Variants in DAB1 observed in about 807,000 individuals in gnomAD.
DAB1 encodes disabled homolog 1.
DAB1 carries 15 observed loss-of-function variants against 64.6 expected under a neutral mutation model. That is an observed-to-expected ratio of 0.23 (90% CI 0.16 to 0.36). The LOEUF is 0.36. DAB1 is among the 10% of genes least tolerant of loss of function. DAB1 has a pLI of 1.00. For missense variants in DAB1, 596 were observed against 706.7 expected (o/e 0.84, Z 1.78); for synonymous variants, 235 against 251.9 (o/e 0.93, Z 0.64).
At chr1:58,466,551 G>A (rs1000577838) in intron 3 of DAB1, among the ~76,000 whole-genome samples, 22 of 152,146 alleles carry the variant, frequency 1.4e-4, no homozygotes, top group African/African-American at 4.6e-4. Context: ...TGGGATACTC[G>A]GGAAGAATGC....
At chr1:57,821,956 C>G (rs2101896076), downstream of DAB1, among the ~76,000 whole-genome samples, 1 of 152,222 alleles carries the variant, frequency 6.6e-6, no homozygotes, top group East Asian at 1.9e-4. Flanking sequence ...AGAATTTATC[C>G]TCAAAACTAC....
intron 5 of DAB1, among the ~76,000 whole-genome samples, chr1:57,951,794 T>C (rs565072701): frequency 3.3e-5 from 5 of 152,252 alleles, no homozygotes; most frequent in Admixed American, 2.6e-4. Flanking sequence ...TGGGGAGCAT[T>C]TGAACCAACT....
chr1:58,052,203 T>C (rs1406744596), intron 5 of DAB1, among the ~76,000 whole-genome samples: 5 of 152,228 alleles, frequency 3.3e-5, no homozygotes, highest in Admixed American at 6.5e-5. Flanking sequence ...CTTTAATCCA[T>C]CTTGAATTAA....
At chr1:58,286,512 G>T (rs965302164) in intron 4 of DAB1, among the ~76,000 whole-genome samples, 1 of 152,134 alleles carries the variant, frequency 6.6e-6, no homozygotes, top group African/African-American at 2.4e-5. Flanking sequence ...CAAAGGACAT[G>T]AACAGACACT....
At chr1:57,424,361 G>GT (rs1685177149), upstream of DAB1, among the ~76,000 whole-genome samples, 2 of 151,804 alleles carry the variant, frequency 1.3e-5, no homozygotes, top group Non-Finnish European at 2.9e-5. Context: ...GAGCGAGCGG[G>GT]GGCGCCGCGG....
intron 3 of DAB1, among the ~76,000 whole-genome samples, chr1:58,408,628 T>C (rs1166621842): frequency 1.3e-5 from 2 of 152,140 alleles, no homozygotes; most frequent in Non-Finnish European, 1.5e-5. Context: ...ATTTACATTA[T>C]ATTGAGAAGT....
chr1:57,008,503 T>G (rs546819922), intron 14 of DAB1, among the ~76,000 whole-genome samples: 118 of 152,326 alleles, frequency 7.7e-4, no homozygotes, highest in Non-Finnish European at 1.4e-3. Flanking sequence ...CTATACACAG[T>G]GCTAAGAGCT....
At chr1:58,074,118 T>G (rs1174002642) in intron 5 of DAB1, among the ~76,000 whole-genome samples, 1 of 152,118 alleles carries the variant, frequency 6.6e-6, no homozygotes, top group Non-Finnish European at 1.5e-5. Flanking sequence ...TTGAGTTGGG[T>G]TTTCTATTAC....
chr1:57,260,687 G>A (rs1165322743), intron 2 of DAB1, among the ~76,000 whole-genome samples: 1 of 152,146 alleles, frequency 6.6e-6, no homozygotes, highest in African/African-American at 2.4e-5. Flanking sequence ...GCACAGAGAA[G>A]TCAGGGGACT....
chr1:57,156,297 C>T (rs574439960), intron 2 of DAB1, among the ~76,000 whole-genome samples: 6 of 152,288 alleles, frequency 3.9e-5, no homozygotes, highest in African/African-American at 1.2e-4. Flanking sequence ...TCTCTCACCT[C>T]ATTTGTGCCC....
chr1:57,249,217 AG>A (rs1407036975), intron 2 of DAB1, among the ~76,000 whole-genome samples: 2 of 98,074 alleles, frequency 2.0e-5, no homozygotes, highest in Admixed American at 2.4e-4. Flanking sequence ...GTATGTATAG[AG>A]AAAAAAATCC....
chr1:57,707,426 T>G (rs1015878218), intron 6 of DAB1, among the ~76,000 whole-genome samples: 2 of 152,184 alleles, frequency 1.3e-5, no homozygotes, highest in Middle Eastern at 3.4e-3. Flanking sequence ...ATTCAACTAT[T>G]GAGGGGCATT....
In DAB1 at chr1:57,023,516, T is replaced by C. The variant is rs762037314; in HGVS notation, c.895+15A>G. 82 of 1,485,378 alleles carry C rather than the reference T, an allele frequency of 5.5e-5. No homozygotes were observed. Among genetic ancestry groups the C allele is most frequent in the Non-Finnish European group, 6.9e-5 (74 of 1,070,840 alleles). The allele number at this position is 1,485,378 out of a possible 1,614,324, so 92.0% of individuals were successfully genotyped here. ...TGAAGGCCAAAGGAAGGGAAGCTGG[T>C]GGAAGAGGGCTTACCTGAGGGTACA... On this transcript the variant is annotated intron_variant, in intron 11 of 14. Coordinates refer to ENST00000371236, the MANE Select transcript of DAB1 (RefSeq NM_001365792.1).
intron 5 of DAB1, among the ~76,000 whole-genome samples, chr1:57,905,933 A>G (rs1557548015): frequency 6.6e-6 from 1 of 152,216 alleles, no homozygotes; most frequent in African/African-American, 2.4e-5. Flanking sequence ...CATTTAGCCA[A>G]AGCTTGTAAT....
intron 1 of DAB1, among the ~76,000 whole-genome samples, chr1:57,378,050 T>C (rs1327954333): frequency 6.6e-6 from 1 of 152,154 alleles, no homozygotes; most frequent in African/African-American, 2.4e-5. Flanking sequence ...CCTGCAAATG[T>C]TCCCCTGCTG....
intron 5 of DAB1, among the ~76,000 whole-genome samples, chr1:57,956,692 G>A (rs1285222221): frequency 1.3e-5 from 2 of 152,130 alleles, no homozygotes; most frequent in Admixed American, 1.3e-4. Flanking sequence ...GACGGAGTTC[G>A]ACCAAAATAG....
intron 7 of DAB1, among the ~76,000 whole-genome samples, chr1:57,488,436 GGAGGCC>G (rs1335808210): frequency 6.7e-6 from 1 of 149,112 alleles, no homozygotes; most frequent in Admixed American, 6.7e-5. Flanking sequence ...TGTATATTTG[GGAGGCC>G]GAGGCGGGCA....
intron 5 of DAB1, among the ~76,000 whole-genome samples, chr1:58,104,513 G>T (rs1207439480): frequency 6.6e-6 from 1 of 152,168 alleles, no homozygotes; most frequent in Non-Finnish European, 1.5e-5. Flanking sequence ...GAATATACAT[G>T]TGTTTTCCCC....
chr1:57,354,207 G>A (rs1463279097), intron 1 of DAB1, among the ~76,000 whole-genome samples: 1 of 152,010 alleles, frequency 6.6e-6, no homozygotes, highest in Admixed American at 6.6e-5. Flanking sequence ...ACAGACTCAG[G>A]GTCCTAGAAT....
Sources: gnomAD v4.1 joint callset for allele counts (sites outside exome capture counted in the v4.1 genomes callset) on GRCh38, gnomAD v4.1.1 for gene constraint, MANE v1.5 for transcripts, NCBI Gene and HGNC (gene_info 2026-07-23, HGNC 2026-07-21) for gene names.